The following ATM variants were observed in gnomAD, a reference collection of about 807,000 sequenced individuals.
ATM encodes the protein serine-protein kinase ATM.
Under a neutral mutation model 387.0 loss-of-function variants are expected in ATM, and 308 were observed. The ratio of observed to expected loss-of-function variants is 0.80; its 90% CI spans 0.73 to 0.87. The LOEUF (loss-of-function observed/expected upper bound fraction) is 0.87, where lower values mean the gene tolerates loss of function less well. ATM is among the 40% of genes least tolerant of loss of function. ATM has a pLI of 0.00. For missense variants in ATM, 3,312 were observed against 3,560.9 expected, an observed-to-expected ratio of 0.93 and a Z score of 1.78; for synonymous variants, 1,156 against 1,187.3, an observed-to-expected ratio of 0.97 and a Z score of 0.54.
chr11:108,317,082 C>A (rs2136152606), intron 42 of ATM, among the ~76,000 whole-genome samples: 2 of 145,592 alleles, frequency 1.4e-5, no homozygotes, highest in Middle Eastern at 7.1e-3. Flanking sequence ...TACAGGTACA[C>A]ACTACCATAC....
At chr11:108,316,430 A>G (rs2084656929) in intron 42 of ATM, among the ~76,000 whole-genome samples, 1 of 152,182 alleles carries the variant, frequency 6.6e-6, no homozygotes, top group Non-Finnish European at 1.5e-5. Context: ...CAGGTAGTGT[A>G]CTTACTGCTT....
At position 108,330,307 on chromosome 11, in the gene ATM, T is replaced by G. The variant is rs1565529761; in HGVS notation, c.7401T>G (p.Val2467=). Residue 2467 remains valine, a synonymous_variant, in exon 50 of 63, where the codon GTT becomes GTG. Coordinates refer to ENST00000675843, the MANE Select transcript of ATM (RefSeq NM_000051.4). ...EDRKRFLCKA[V]ENYINCLLSG... Reference sequence around the variant, plus strand: ...GTAAACGCTTCTTATGTAAAGCAGTTGAAAATTATATCAACTGCTTATTAA... The same window carrying G: ...GTAAACGCTTCTTATGTAAAGCAGTGGAAAATTATATCAACTGCTTATTAA... 1 of 1,614,168 alleles carries G rather than the reference T, an allele frequency of 6.2e-7. No individual in the cohort carries two copies. Among genetic ancestry groups the G allele is most frequent in the Middle Eastern group, 1.6e-4 (1 of 6,062 alleles).
rs574244643 is a variant in ATM at position 108,333,803 on chromosome 11, A to G, written c.7928-83A>G. 2.5e-5 allele frequency: 27 copies of G among 1,071,604 alleles called. No homozygotes were observed. The South Asian group carries it at 3.3e-4, about 13-fold the overall frequency. 66.4% of individuals were successfully genotyped at this position (1,071,604 alleles called of 1,614,324 possible). Reference sequence around the variant, plus strand: ...CACAGATTAGCAACAAGTTGGGGCCAGTGGTATCTGCTGACTATTCCTGCT... The same window carrying G: ...CACAGATTAGCAACAAGTTGGGGCCGGTGGTATCTGCTGACTATTCCTGCT... On this transcript the variant is annotated intron_variant, in intron 53 of 62. Transcript: ENST00000675843.
At chr11:108,291,060 C>A (rs1264923563) in intron 29 of ATM, among the ~76,000 whole-genome samples, 1 of 151,830 alleles carries the variant, frequency 6.6e-6, no homozygotes, top group Non-Finnish European at 1.5e-5. Context: ...ACAGTGAAAC[C>A]CCGTGTCTAC....
At chr11:108,277,277 G>A (rs1008103291) in intron 22 of ATM, among the ~76,000 whole-genome samples, 4 of 152,160 alleles carry the variant, frequency 2.6e-5, no homozygotes, top group Admixed American at 1.3e-4. Flanking sequence ...AGAATTTCAA[G>A]CCAGTGGATC....
chr11:108,368,301 A>AG lies in ATM; in HGVS notation c.*2793_*2794insG, dbSNP rs2091437749. 1 of 213,346 alleles carries AG rather than the reference A, an allele frequency of 4.7e-6. No homozygotes were observed. Among genetic ancestry groups the AG allele is most frequent in the Non-Finnish European group, 9.5e-6 (1 of 105,696 alleles). 13.2% of individuals were successfully genotyped at this position (213,346 alleles called of 1,614,324 possible). On this transcript the variant is annotated 3_prime_UTR_variant, in exon 63 of 63. Transcript: ENST00000675843. Reference sequence around the variant, plus strand: ...AAGACTCTGCCTCAAAAAAAAAAAAAAAAAGGTTTTGGCAAGCTGGAACTC... The same window carrying AG: ...AAGACTCTGCCTCAAAAAAAAAAAAAGAAAAGGTTTTGGCAAGCTGGAACTC...
intron 61 of ATM, 88 bp from the exon 62 acceptor site, chr11:108,364,994 C>T (rs2091181590): frequency 1.3e-6 from 2 of 1,484,266 alleles, no homozygotes; most frequent in Non-Finnish European, 1.9e-6. Context: ...ATGTGACTGG[C>T]TTATTTGTAT....
In ATM at chr11:108,365,362, G is replaced by A. The variant is rs2137909162; in HGVS notation, c.9025G>A (p.Val3009Ile). 1 of 1,614,140 alleles carries A rather than the reference G, an allele frequency of 6.2e-7. No homozygotes were observed. The highest frequency in any genetic ancestry group is 8.5e-7 in the Non-Finnish European group (1 of 1,180,030). The change falls in exon 63 of 63, where the codon GTC becomes ATC. Residue 3009 changes from valine (V) to isoleucine (I), a missense_variant. This residue lies in a region of ATM where 95 missense variants were observed against 100.3 expected (regional missense o/e 0.95). Transcript: ENST00000675843. ...DQSFNKVAER[V>I]LMRLQEKLKG... ...GAGTTTCAACAAAGTAGCTGAACGT[G>A]TCTTAATGAGACTACAAGAGAAACT... is the stretch of plus-strand genomic sequence containing the variant.
intron 61 of ATM, among the ~76,000 whole-genome samples, chr11:108,364,665 A>G (rs2091147244): frequency 6.6e-6 from 1 of 152,180 alleles, no homozygotes; most frequent in Admixed American, 6.5e-5. Context: ...GTGAGGTCCA[A>G]ATAGGCTTGC....
At chr11:108,259,649 A>T (rs1024650043) in intron 16 of ATM, among the ~76,000 whole-genome samples, 7 of 152,340 alleles carry the variant, frequency 4.6e-5, no homozygotes, top group African/African-American at 1.7e-4. Context: ...CGAATCATCC[A>T]GGCTCACAGC....
At chr11:108,360,368 C>CA (rs2090577694) in intron 61 of ATM, among the ~76,000 whole-genome samples, 1 of 150,682 alleles carries the variant, frequency 6.6e-6, no homozygotes, top group South Asian at 2.1e-4. Context: ...ACCAGAGGTA[C>CA]AAGGAGGAAC....
chr11:108,318,706 A>C (rs970548675), intron 43 of ATM, among the ~76,000 whole-genome samples: 33 of 151,804 alleles, frequency 2.2e-4, no homozygotes, highest in African/African-American at 6.8e-4. Context: ...CAAAAAAAAC[A>C]CTCAGTTACC....
chr11:108,282,555 A>C (rs1445755391), intron 24 of ATM, among the ~76,000 whole-genome samples, 155 bp from the exon 25 acceptor site: 1 of 152,170 alleles, frequency 6.6e-6, no homozygotes, highest in Admixed American at 6.6e-5. Context: ...AGTTGAGTAC[A>C]TTTTCTTAAT....
At chr11:108,262,491 C>T (rs1591566399) in intron 16 of ATM, among the ~76,000 whole-genome samples, 2 of 152,300 alleles carry the variant, frequency 1.3e-5, no homozygotes, top group East Asian at 1.9e-4. Flanking sequence ...AAGCATTAAA[C>T]ATGGAAAGGA....
At chr11:108,329,286 A>G (rs2136426967) in intron 49 of ATM, 48 bp downstream of exon 49, 1 of 1,503,026 alleles carries the variant, frequency 6.7e-7, no homozygotes, top group Non-Finnish European at 9.2e-7. Flanking sequence ...CAGTTAACTG[A>G]GTGAGTGTTT....
rs138828590 is a variant in ATM at position 108,321,391 on chromosome 11, G to T, written c.6543G>T (p.Glu2181Asp). The T allele has an allele frequency of 1.0e-4, 165 of 1,614,182 alleles. No homozygotes were observed. The African/African-American group carries it at 1.9e-3, about 19-fold the overall frequency. ...TTAGCAGGTTGCAGGCCATTGGAGA[G>T]CTGGAAAGCATTGGGGAGCTTTTCT... ...PTLSRLQAIGELESIGELFSR... is the reference protein window; with the variant it reads ...PTLSRLQAIGDLESIGELFSR... The change falls in exon 45 of 63, where the codon GAG becomes GAT. Residue 2181 changes from glutamate to aspartate, a missense_variant. This residue lies in a region of ATM where 1,405 missense variants were observed against 1,604.4 expected (regional missense o/e 0.88). Transcript: ENST00000675843.
At chr11:108,275,851 T>A (rs1454231181) in intron 22 of ATM, among the ~76,000 whole-genome samples, 1 of 152,194 alleles carries the variant, frequency 6.6e-6, no homozygotes, top group Non-Finnish European at 1.5e-5. Flanking sequence ...TTGGGGTTGC[T>A]CTTCTAGAGG....
rs1591357869 is a variant in ATM, at chr11:108,360,401, A to G, written c.8851-4681A>G. Among the ~76,000 whole-genome samples, 3 of 147,298 alleles carry G rather than the reference A, an allele frequency of 2.0e-5. No homozygotes were observed. The South Asian group carries it at 6.7e-4, about 33-fold the overall frequency. On this transcript the variant is annotated intron_variant, in intron 61 of 62. Coordinates refer to ENST00000675843, the MANE Select transcript of ATM (RefSeq NM_000051.4). ...AACTGGTACCATTCCTTCTGAAACT[A>G]TTCCAATCAATAGAAAAAGAGGGAA... is the stretch of plus-strand genomic sequence containing the variant.
At chr11:108,330,709 A>C (rs2086163180) in intron 50 of ATM, among the ~76,000 whole-genome samples, 1 of 152,212 alleles carries the variant, frequency 6.6e-6, no homozygotes. Flanking sequence ...ATGTCTTTGC[A>C]GTTACCATAG....
Sources: allele counts gnomAD v4.1 joint callset (sites outside exome capture counted in the v4.1 genomes callset), GRCh38; gene constraint gnomAD v4.1.1; regional missense constraint gnomAD v4.1.1; transcripts MANE v1.5; gene names NCBI Gene and HGNC (gene_info 2026-07-23, HGNC 2026-07-21).